Variants in NKAIN2 observed in about 807,000 individuals in gnomAD.
NKAIN2 encodes the protein sodium/potassium-transporting ATPase subunit beta-1-interacting protein 2.
In NKAIN2, 14 loss-of-function variants were observed where a neutral mutation model predicts 32.6. The observed-to-expected ratio is 0.43, with a 90% CI of 0.28 to 0.67. The LOEUF (loss-of-function observed/expected upper bound fraction) is 0.67. Ranked by LOEUF, NKAIN2 falls within the 30% of genes least tolerant of loss-of-function variation. The probability of loss-of-function intolerance (pLI) is 0.17; values close to 1 mark genes in which losing one functional copy is unlikely to be tolerated. For synonymous variants in NKAIN2, 80 were observed against 87.2 expected (o/e 0.92, Z 0.46); for missense variants, 198 against 258.3 (o/e 0.77, Z 1.60).
At chr6:123,847,300 G>A (rs529641230) in intron 1 of NKAIN2, among the ~76,000 whole-genome samples, 1 of 152,270 alleles carries the variant, frequency 6.6e-6, no homozygotes, top group South Asian at 2.1e-4. Flanking sequence ...AGCAGTAATG[G>A]CTTCATTTTC....
At chr6:124,117,541 C>T (rs1423138945) in intron 1 of NKAIN2, among the ~76,000 whole-genome samples, 1 of 152,068 alleles carries the variant, frequency 6.6e-6, no homozygotes, top group Non-Finnish European at 1.5e-5. Flanking sequence ...ATAAAGCTAC[C>T]ATTAAGGCAT....
chr6:124,123,338 A>G (rs1785986743), intron 1 of NKAIN2, among the ~76,000 whole-genome samples: 1 of 152,144 alleles, frequency 6.6e-6, no homozygotes, highest in South Asian at 2.1e-4. Flanking sequence ...AGCTTAGGAC[A>G]ACATGATTAC....
chr6:123,823,083 AG>A (rs1773992890), intron 1 of NKAIN2, among the ~76,000 whole-genome samples: 2 of 152,204 alleles, frequency 1.3e-5, no homozygotes, highest in African/African-American at 4.8e-5. Flanking sequence ...GGGGTGAGGA[AG>A]ACCACCTACT....
intron 5 of NKAIN2, among the ~76,000 whole-genome samples, chr6:124,816,216 T>C (rs767924979): frequency 1.2e-4 from 19 of 152,114 alleles, no homozygotes; most frequent in Non-Finnish European, 2.6e-4. Context: ...TCCAGTGACA[T>C]GACATTCTGT....
intron 3 of NKAIN2, among the ~76,000 whole-genome samples, chr6:124,519,867 G>A (rs921009491): frequency 3.9e-5 from 6 of 152,134 alleles, no homozygotes; most frequent in Admixed American, 1.3e-4. Flanking sequence ...CAAAAGAGAC[G>A]AAATTATGTG....
chr6:124,810,612 C>A (rs1277272592), intron 5 of NKAIN2, among the ~76,000 whole-genome samples: 1 of 151,392 alleles, frequency 6.6e-6, no homozygotes, highest in African/African-American at 2.4e-5. Context: ...GCACGTGTAC[C>A]CTAAAACTTA....
intron 1 of NKAIN2, among the ~76,000 whole-genome samples, chr6:124,133,043 G>A (rs1008656581): frequency 2.6e-5 from 4 of 152,218 alleles, no homozygotes; most frequent in Non-Finnish European, 5.9e-5. Flanking sequence ...AGGAGGGAAA[G>A]TCTGCACCTC....
chr6:124,391,575 C>T (rs1773142386), intron 3 of NKAIN2, among the ~76,000 whole-genome samples: 1 of 151,988 alleles, frequency 6.6e-6, no homozygotes, highest in Admixed American at 6.6e-5. Context: ...CTCTTAAAAT[C>T]CAAAAGAGTC....
At chr6:124,505,368 A>G (rs890793338) in intron 3 of NKAIN2, among the ~76,000 whole-genome samples, 1 of 152,136 alleles carries the variant, frequency 6.6e-6, no homozygotes, top group Admixed American at 6.5e-5. Context: ...TCCTCTAACA[A>G]ATTCACTGTA....
intron 2 of NKAIN2, among the ~76,000 whole-genome samples, chr6:124,306,747 T>A (rs796927862): frequency 4.1e-4 from 62 of 152,286 alleles, no homozygotes; most frequent in African/African-American, 1.5e-3. Flanking sequence ...GCCCTGCTAA[T>A]TGCTGTTTGA....
intron 1 of NKAIN2, among the ~76,000 whole-genome samples, chr6:124,221,531 A>C (rs1292841474): frequency 6.6e-6 from 1 of 152,074 alleles, no homozygotes; most frequent in Non-Finnish European, 1.5e-5. Context: ...CAATGTGCAC[A>C]TGTGCCCTAA....
chr6:124,019,389 C>T (rs1368267947), intron 1 of NKAIN2, among the ~76,000 whole-genome samples: 1 of 137,524 alleles, frequency 7.3e-6, no homozygotes, highest in Non-Finnish European at 1.6e-5. Context: ...TTCTGCATTC[C>T]TCAACATAGG....
At chr6:123,830,259 A>G (rs192845725) in intron 1 of NKAIN2, among the ~76,000 whole-genome samples, 15 of 152,242 alleles carry the variant, frequency 9.9e-5, no homozygotes, top group Admixed American at 5.2e-4. Context: ...TCTTCTTTAC[A>G]CAGCAGCCAA....
intron 1 of NKAIN2, among the ~76,000 whole-genome samples, chr6:123,848,202 A>G (rs181117459): frequency 6.6e-6 from 1 of 152,272 alleles, no homozygotes; most frequent in Admixed American, 6.5e-5. Context: ...TGGAGCCTAG[A>G]GCTTTGATTG....
chr6:124,014,906 A>G (rs1780492279), intron 1 of NKAIN2, among the ~76,000 whole-genome samples: 1 of 152,054 alleles, frequency 6.6e-6, no homozygotes, highest in African/African-American at 2.4e-5. Flanking sequence ...TCTCCCTCTA[A>G]TGGACACATT....
chr6:123,917,657 T>A (rs1193645782), intron 1 of NKAIN2, among the ~76,000 whole-genome samples: 1 of 152,082 alleles, frequency 6.6e-6, no homozygotes, highest in Non-Finnish European at 1.5e-5. Context: ...CTACATCCCT[T>A]CCTATGTCCC....
At chr6:124,530,999 C>T (rs917689060) in intron 3 of NKAIN2, among the ~76,000 whole-genome samples, 2 of 152,178 alleles carry the variant, frequency 1.3e-5, no homozygotes, top group East Asian at 1.9e-4. Flanking sequence ...CTAATCTCTT[C>T]CATAAATACC....
At chr6:124,445,845 T>G (rs906754225) in intron 3 of NKAIN2, among the ~76,000 whole-genome samples, 4 of 152,080 alleles carry the variant, frequency 2.6e-5, no homozygotes, top group Admixed American at 1.3e-4. Context: ...CTATGTGACC[T>G]CTTCACTGCC....
rs1011636152 is a variant in NKAIN2, at chr6:124,461,803, T to C, written c.273+106456T>C. On this transcript the variant is annotated intron_variant, in intron 3 of 6. Coordinates refer to ENST00000368417, the MANE Select transcript of NKAIN2 (RefSeq NM_001040214.3). ...CTGCCACATGGCTTCTAAGGTTTTA[T>C]AGATAACTCCTTGTTAACCTCAATC... Among the ~76,000 whole-genome samples, 4 of 151,854 alleles carry C rather than the reference T, an allele frequency of 2.6e-5. 1 individual carries two copies. Among genetic ancestry groups the C allele is most frequent in the African/African-American group, 9.7e-5 (4 of 41,426 alleles).
Sources: allele counts gnomAD v4.1 joint callset (sites outside exome capture counted in the v4.1 genomes callset), GRCh38; gene constraint gnomAD v4.1.1; transcripts MANE v1.5; gene names NCBI Gene and HGNC (gene_info 2026-07-23, HGNC 2026-07-21).